The following WNK1 variants were observed in gnomAD, a reference collection of about 807,000 sequenced individuals.
The protein encoded by WNK1 is WNK lysine deficient protein kinase 1.
In WNK1, 38 loss-of-function variants were observed where a neutral mutation model predicts 222.8. The observed-to-expected ratio is 0.17, with a 90% CI of 0.13 to 0.22. The LOEUF (loss-of-function observed/expected upper bound fraction) is 0.22. Ranked by LOEUF, WNK1 falls within the 10% of genes least tolerant of loss-of-function variation. The pLI is 1.00. For synonymous variants in WNK1, 1,090 were observed against 1,092.9 expected (o/e 1.00, Z 0.05); for missense variants, 2,348 against 2,918.4 (o/e 0.80, Z 4.50).
chr12:849,297 C>T (rs921440364), intron 4 of WNK1, among the ~76,000 whole-genome samples: 1 of 152,190 alleles, frequency 6.6e-6, no homozygotes, highest in African/African-American at 2.4e-5. Context: ...CCTTAGCATT[C>T]ACTGTCTTGA....
intron 4 of WNK1, 117 bp downstream of exon 4, chr12:830,277 G>C (rs1948687590): frequency 1.7e-6 from 2 of 1,162,536 alleles, no homozygotes; most frequent in Non-Finnish European, 2.5e-6. Context: ...TGAGTGAACT[G>C]TTGGGGTTGG....
At chr12:819,090 T>G (rs980533421) in intron 2 of WNK1, among the ~76,000 whole-genome samples, 3 of 152,256 alleles carry the variant, frequency 2.0e-5, no homozygotes, top group Non-Finnish European at 2.9e-5. Flanking sequence ...TGCATTTCCC[T>G]AATGATTAAT....
chr12:752,741 C>T lies in WNK1; in HGVS notation c.-825C>T, dbSNP rs975096982. 5.3e-5 allele frequency: 8 copies of T among 152,376 alleles called. No individual in the cohort carries two copies. The highest frequency in any genetic ancestry group is 2.9e-5 in the Non-Finnish European group (2 of 68,146). 9.4% of individuals were successfully genotyped at this position (152,376 alleles called of 1,614,324 possible). A position where few individuals can be genotyped will look rare whatever the true frequency, so the allele number is the denominator to read the frequency against. On this transcript the variant is annotated 5_prime_UTR_variant, in exon 1 of 28. Transcript: ENST00000315939. ...CCCAGTCCTCTAGGTCTCCTCTCCTCTTGCCTCAGAGAAGCAGCGGAGCTC... is the reference window on the plus strand; with the variant it reads ...CCCAGTCCTCTAGGTCTCCTCTCCTTTTGCCTCAGAGAAGCAGCGGAGCTC...
intron 4 of WNK1, among the ~76,000 whole-genome samples, chr12:847,432 G>A (rs1473123376): frequency 2.6e-5 from 4 of 152,108 alleles, no homozygotes; most frequent in Admixed American, 2.6e-4. Context: ...TGAAAAAAGG[G>A]GGCAGAATAG....
chr12:898,987 A>G (rs1954987857), intron 25 of WNK1, among the ~76,000 whole-genome samples: 2 of 152,054 alleles, frequency 1.3e-5, no homozygotes, highest in African/African-American at 4.8e-5. Flanking sequence ...TGATCCACCC[A>G]CCTTGGCCTC....
intron 2 of WNK1, among the ~76,000 whole-genome samples, chr12:821,951 A>G (rs898292319): frequency 6.6e-6 from 1 of 152,158 alleles, no homozygotes; most frequent in South Asian, 2.1e-4. Context: ...TAGACAGTAT[A>G]TAGTTGGCTT....
intron 8 of WNK1, chr12:868,618 CTG>C: frequency 6.2e-7 from 1 of 1,613,992 alleles, no homozygotes; most frequent in Non-Finnish European, 8.5e-7. Context: ...GCAGAAGCAA[CTG>C]TGTATTTGAA....
chr12:793,010 C>T (rs1411059554), intron 1 of WNK1, among the ~76,000 whole-genome samples: 2 of 152,156 alleles, frequency 1.3e-5, no homozygotes, highest in African/African-American at 4.8e-5. Context: ...AATGAGACTA[C>T]ATGTGGACAC....
chr12:756,019 C>G (rs1375784192), intron 1 of WNK1, among the ~76,000 whole-genome samples: 1 of 152,114 alleles, frequency 6.6e-6, no homozygotes, highest in Middle Eastern at 3.2e-3. Flanking sequence ...ATGTCCGATT[C>G]CTTTTGGTTT....
At chr12:791,450 A>G (rs953928196) in intron 1 of WNK1, among the ~76,000 whole-genome samples, 7 of 152,136 alleles carry the variant, frequency 4.6e-5, no homozygotes, top group Non-Finnish European at 7.4e-5. Flanking sequence ...TATTTTTTGT[A>G]CAGTATGGTT....
At chr12:757,592 C>T (rs778325106) in intron 1 of WNK1, among the ~76,000 whole-genome samples, 3 of 152,074 alleles carry the variant, frequency 2.0e-5, no homozygotes, top group Non-Finnish European at 2.9e-5. Context: ...ATTTCTTTAA[C>T]TGGTTTTATT....
rs1229286869 is a variant in WNK1, at chr12:910,678, A to G, written c.*1886A>G. 2 of 152,436 alleles carry G rather than the reference A, an allele frequency of 1.3e-5. No homozygotes were observed. The highest frequency in any genetic ancestry group is 2.9e-5 in the Non-Finnish European group (2 of 68,202). The allele number at this position is 152,436 out of a possible 1,614,324, so 9.4% of individuals were successfully genotyped here. A position where few individuals can be genotyped will look rare whatever the true frequency, so the allele number is the denominator to read the frequency against. ...TATTTCCAACCTTTTACCCACGTCA[A>G]TGGCATATTCTGGGAATCACCACCA... is the stretch of plus-strand genomic sequence containing the variant. On this transcript the variant is annotated 3_prime_UTR_variant, in exon 28 of 28. Coordinates refer to ENST00000315939, the MANE Select transcript of WNK1 (RefSeq NM_018979.4).
At position 896,115 on chromosome 12, in the gene WNK1, G is replaced by C; in HGVS notation, c.5628G>C (p.Lys1876Asn). ...GTGCCCAGAAAGAGGGTAAAAATAA[G>C]TCAGAAGATGCAAAGTCTGTTCATT... Reference protein sequence around the residue: ...ADGAQKEGKNKSEDAKSVHFE... With the variant: ...ADGAQKEGKNNSEDAKSVHFE... Residue 1876 changes from lysine to asparagine, a missense_variant, in exon 24 of 28, where the codon AAG (lysine) becomes AAC (asparagine). Transcript: ENST00000315939. The C allele has an allele frequency of 6.2e-7, 1 of 1,614,224 alleles. No individual in the cohort carries two copies. Among genetic ancestry groups the C allele is most frequent in the Non-Finnish European group, 8.5e-7 (1 of 1,180,048 alleles).
chr12:879,504 G>A, intron 10 of WNK1, 69 bp from the exon 11 acceptor site: 2 of 988,398 alleles, frequency 2.0e-6, no homozygotes, highest in South Asian at 3.5e-5. Flanking sequence ...CTTGCTTTTG[G>A]CAGCCTTGCT....
chr12:813,826 A>G lies in WNK1; in HGVS notation c.932+12A>G. Reference sequence around the variant, plus strand: ...GGAACACTTAAAACGTAAGTTCATCAGTATTACAAAAGCTGACCAAGAAGT... The same window carrying G: ...GGAACACTTAAAACGTAAGTTCATCGGTATTACAAAAGCTGACCAAGAAGT... On this transcript the variant is annotated intron_variant, in intron 2 of 27. Coordinates refer to ENST00000315939, the MANE Select transcript of WNK1 (RefSeq NM_018979.4). The G allele has an allele frequency of 1.2e-6, 2 of 1,613,164 alleles. No individual in the cohort carries two copies. Among genetic ancestry groups the G allele is most frequent in the African/African-American group, 1.3e-5 (1 of 75,036 alleles).
intron 1 of WNK1, among the ~76,000 whole-genome samples, chr12:804,298 A>G (rs898035551): frequency 6.6e-6 from 1 of 152,214 alleles, no homozygotes; most frequent in African/African-American, 2.4e-5. Flanking sequence ...TAAATTTACC[A>G]TTGTAACCAT....
Position 871,297 on chromosome 12 carries a change from A to G in WNK1, c.2172A>G (p.Ser724=), listed in dbSNP as rs1271572535. 6.2e-7 allele frequency: 1 copy of G among 1,614,198 alleles called. No homozygotes were observed. Among genetic ancestry groups the G allele is most frequent in the East Asian group, 2.2e-5 (1 of 44,886 alleles). ...AQGQSQGQPS[S]SSLTGVSSSQ... ...GGCAGAGCCAGGGTCAGCCATCCTC[A>G]AGTAGCTTAACAGGGGTTTCATCTT... Residue 724 remains serine (S), a synonymous_variant, in exon 9 of 28, where the codon TCA becomes TCG. Coordinates refer to ENST00000315939, the MANE Select transcript of WNK1 (RefSeq NM_018979.4).
At chr12:770,303 G>A (rs1942320916) in intron 1 of WNK1, among the ~76,000 whole-genome samples, 1 of 152,150 alleles carries the variant, frequency 6.6e-6, no homozygotes, top group Non-Finnish European at 1.5e-5. Context: ...CATGAATTTG[G>A]TGGGGAGGAA....
At chr12:863,472 A>G (rs1170935944) in intron 8 of WNK1, among the ~76,000 whole-genome samples, 1 of 152,136 alleles carries the variant, frequency 6.6e-6, no homozygotes, top group African/African-American at 2.4e-5. Flanking sequence ...GTGTTCTGAC[A>G]AATATTACTT....
Sources: gnomAD v4.1 joint callset for allele counts (sites outside exome capture counted in the v4.1 genomes callset) on GRCh38, gnomAD v4.1.1 for gene constraint, MANE v1.5 for transcripts, NCBI Gene and HGNC (gene_info 2026-07-23, HGNC 2026-07-21) for gene names.